The following GABRG3 variants were observed in gnomAD, a reference collection of about 807,000 sequenced individuals.
GABRG3 encodes the protein gamma-aminobutyric acid receptor subunit gamma-3.
GABRG3 carries 25 observed loss-of-function variants against 48.8 expected under a neutral mutation model. The ratio of observed to expected loss-of-function variants is 0.51; its 90% CI spans 0.37 to 0.72. The LOEUF (loss-of-function observed/expected upper bound fraction) is 0.72, where lower values mean the gene tolerates loss of function less well. GABRG3 is among the 30% of genes least tolerant of loss of function. The pLI, the probability that GABRG3 is intolerant of heterozygous loss-of-function variation, is 0.00. For missense variants in GABRG3, 394 were observed against 577.9 expected (o/e 0.68, Z 3.26); for synonymous variants, 227 against 217.6 (o/e 1.04, Z -0.38).
At chr15:27,039,687 GA>G (rs1246060279) in intron 3 of GABRG3, among the ~76,000 whole-genome samples, 1 of 152,204 alleles carries the variant, frequency 6.6e-6, no homozygotes, top group East Asian at 1.9e-4. Context: ...CAGTTGTCAG[GA>G]AAGCACAGAA....
intron 3 of GABRG3, among the ~76,000 whole-genome samples, chr15:27,086,411 C>T (rs1004477365): frequency 6.6e-6 from 1 of 152,186 alleles, no homozygotes; most frequent in Non-Finnish European, 1.5e-5. Context: ...TGAGCTTAGA[C>T]TGGGAAGTCC....
intron 6 of GABRG3, among the ~76,000 whole-genome samples, chr15:27,516,543 CA>C (rs1891023709): frequency 6.6e-6 from 1 of 152,170 alleles, no homozygotes; most frequent in Non-Finnish European, 1.5e-5. Flanking sequence ...TTGATTTGTC[CA>C]AGATGGGCAG....
intron 3 of GABRG3, among the ~76,000 whole-genome samples, chr15:27,027,377 TA>T (rs1389752081): frequency 6.6e-6 from 1 of 152,128 alleles, no homozygotes; most frequent in African/African-American, 2.4e-5. Flanking sequence ...CAGGACTACC[TA>T]GGATCCCCAA....
rs184908108 is a variant in GABRG3 at position 27,532,627 on chromosome 15, C to T, written c.1150C>T (p.Pro384Ser). The T allele has an allele frequency of 6.2e-7, 1 of 1,613,934 alleles. No homozygotes were observed. Among genetic ancestry groups the T allele is most frequent in the African/African-American group, 1.3e-5 (1 of 75,032 alleles). ...SNYSLLDMRP[P>S]PTAMITLNNS... ...CTATTCCCTCCTGGACATGAGGCCACCACCAACTGCGATGATCACTTTAAA... is the reference window on the plus strand; with the variant it reads ...CTATTCCCTCCTGGACATGAGGCCATCACCAACTGCGATGATCACTTTAAA... The change falls in exon 10 of 10, where the codon CCA becomes TCA. Residue 384 changes from proline (P) to serine (S), a missense_variant. This residue lies in a region of GABRG3 where 126 missense variants were observed against 155.5 expected (regional missense o/e 0.81). Transcript: ENST00000615808.
intron 3 of GABRG3, among the ~76,000 whole-genome samples, chr15:27,034,076 G>C (rs982622181): frequency 2.2e-4 from 34 of 152,160 alleles, no homozygotes; most frequent in African/African-American, 7.7e-4. Flanking sequence ...CTTAAAATGT[G>C]AGGGATACCA....
At chr15:27,388,141 GGT>G in intron 5 of GABRG3, among the ~76,000 whole-genome samples, 1 of 89,026 alleles carries the variant, frequency 1.1e-5, no homozygotes, top group African/African-American at 5.9e-5. Context: ...AGGGAGGGAG[GGT>G]AAGGAAGGAA....
At chr15:27,153,227 A>G (rs1898355039) in intron 3 of GABRG3, among the ~76,000 whole-genome samples, 1 of 152,066 alleles carries the variant, frequency 6.6e-6, no homozygotes, top group South Asian at 2.1e-4. Context: ...TGAATATCTC[A>G]TTATTTCAGA....
intron 6 of GABRG3, among the ~76,000 whole-genome samples, chr15:27,515,003 A>C (rs1226927738): frequency 6.6e-6 from 1 of 152,238 alleles, no homozygotes; most frequent in Admixed American, 6.5e-5. Context: ...CAAGAATGAC[A>C]CAAATGGTAT....
intron 6 of GABRG3, among the ~76,000 whole-genome samples, chr15:27,491,239 G>A (rs907924145): frequency 6.6e-6 from 1 of 152,190 alleles, no homozygotes; most frequent in African/African-American, 2.4e-5. Context: ...GCCTTCAGTG[G>A]CCTCGGGGCT....
chr15:27,359,569 G>A (rs957251463), intron 5 of GABRG3, among the ~76,000 whole-genome samples: 8 of 152,100 alleles, frequency 5.3e-5, no homozygotes, highest in African/African-American at 1.9e-4. Flanking sequence ...TGAAGCTAAG[G>A]AAACAAACAT....
intron 3 of GABRG3, among the ~76,000 whole-genome samples, chr15:27,040,011 C>T (rs1896247952): frequency 6.6e-6 from 1 of 152,220 alleles, no homozygotes; most frequent in South Asian, 2.1e-4. Flanking sequence ...ATTCTTGGTT[C>T]TCCTTTCCTT....
intron 5 of GABRG3, among the ~76,000 whole-genome samples, chr15:27,451,852 A>AG (rs1313765786): frequency 6.6e-6 from 1 of 152,210 alleles, no homozygotes; most frequent in Non-Finnish European, 1.5e-5. Context: ...AAATGGGCCA[A>AG]GGGACACATG....
intron 3 of GABRG3, among the ~76,000 whole-genome samples, chr15:27,151,744 G>A (rs1248865432): frequency 6.6e-6 from 1 of 152,152 alleles, no homozygotes; most frequent in Non-Finnish European, 1.5e-5. Flanking sequence ...AGGAGACCCT[G>A]ACTCAAGGAC....
intron 5 of GABRG3, among the ~76,000 whole-genome samples, chr15:27,428,838 A>C (rs989188735): frequency 6.6e-6 from 1 of 152,192 alleles, no homozygotes. Context: ...AGGGAAAAAA[A>C]ATTAGGTCAA....
chr15:27,275,872 G>A (rs1331216462), intron 3 of GABRG3, among the ~76,000 whole-genome samples: 1 of 152,172 alleles, frequency 6.6e-6, no homozygotes, highest in Non-Finnish European at 1.5e-5. Flanking sequence ...GAGAGCAAAT[G>A]ACAATGAGCA....
chr15:27,371,820 TAAC>T (rs1895425247), intron 5 of GABRG3, among the ~76,000 whole-genome samples: 2 of 151,856 alleles, frequency 1.3e-5, no homozygotes, highest in African/African-American at 2.4e-5. Flanking sequence ...AAACACAAAA[TAAC>T]ACTAAATATT....
intron 6 of GABRG3, among the ~76,000 whole-genome samples, chr15:27,516,042 G>T (rs1406660242): frequency 6.7e-6 from 1 of 150,312 alleles, no homozygotes; most frequent in Non-Finnish European, 1.5e-5. Flanking sequence ...TTGTAAATTT[G>T]CTTATATATT....
At chr15:27,238,579 C>G (rs952950242) in intron 3 of GABRG3, among the ~76,000 whole-genome samples, 12 of 152,200 alleles carry the variant, frequency 7.9e-5, no homozygotes, top group African/African-American at 2.9e-4. Context: ...GGATGGATGA[C>G]AGCCCCCAAA....
At chr15:27,131,105 T>C (rs955793661) in intron 3 of GABRG3, among the ~76,000 whole-genome samples, 1 of 152,112 alleles carries the variant, frequency 6.6e-6, no homozygotes, top group Admixed American at 6.5e-5. Context: ...GGCATTCTTG[T>C]CCTGTCCGTG....
Sources: allele counts gnomAD v4.1 joint callset (sites outside exome capture counted in the v4.1 genomes callset), GRCh38; gene constraint gnomAD v4.1.1; regional missense constraint gnomAD v4.1.1; transcripts MANE v1.5; gene names NCBI Gene and HGNC (gene_info 2026-07-23, HGNC 2026-07-21).